The following NMT2 variants were observed in gnomAD, a reference collection of about 807,000 sequenced individuals.
NMT2 encodes glycylpeptide N-tetradecanoyltransferase 2.
Under a neutral mutation model 65.4 loss-of-function variants are expected in NMT2, and 35 were observed. The observed-to-expected ratio is 0.54, with a 90% CI of 0.41 to 0.71. The LOEUF (loss-of-function observed/expected upper bound fraction) is 0.71, where lower values mean the gene tolerates loss of function less well. NMT2 is among the 30% of genes least tolerant of loss of function. The pLI, the probability that NMT2 is intolerant of heterozygous loss-of-function variation, is 0.00. For missense variants in NMT2, 489 were observed against 611.3 expected, an observed-to-expected ratio of 0.80 and a Z score of 2.11; for synonymous variants, 226 against 231.8, an observed-to-expected ratio of 0.98 and a Z score of 0.23.
intron 1 of NMT2, among the ~76,000 whole-genome samples, chr10:15,152,958 C>T (rs191861853): frequency 1.9e-3 from 290 of 152,306 alleles, no homozygotes; most frequent in Admixed American, 4.0e-3. Context: ...ACCTTACTGT[C>T]TACTAATAGG....
At position 15,107,107 on chromosome 10, in the gene NMT2, C is replaced by A. The variant is rs1845330444; in HGVS notation, c.*2088G>T. On this transcript the variant is annotated 3_prime_UTR_variant, in exon 12 of 12. Coordinates refer to ENST00000378165, the MANE Select transcript of NMT2 (RefSeq NM_004808.3). ...CTGGACAATAGAGTGAGACCCTGTC[C>A]TAAAAAAAAAAAAAAAAAAAGTATG... 1.5e-5 allele frequency among the ~76,000 whole-genome samples: 1 copy of A among 64,554 alleles called. No individual in the cohort carries two copies. Among genetic ancestry groups the A allele is most frequent in the African/African-American group, 4.5e-5 (1 of 22,286 alleles). 42.3% of individuals were successfully genotyped at this position (64,554 alleles called of 152,430 possible). A position where few individuals can be genotyped will look rare whatever the true frequency, so the allele number is the denominator to read the frequency against.
intron 1 of NMT2, among the ~76,000 whole-genome samples, chr10:15,151,870 T>C (rs576239042): frequency 6.6e-6 from 1 of 151,280 alleles, no homozygotes; most frequent in Admixed American, 6.6e-5. Context: ...ACCAAAAATA[T>C]AAAAAACTAG....
intron 9 of NMT2, among the ~76,000 whole-genome samples, chr10:15,119,075 A>C (rs1845839657): frequency 6.6e-6 from 1 of 152,256 alleles, no homozygotes; most frequent in African/African-American, 2.4e-5. Context: ...GCCTTAGCAC[A>C]AAACAAGACA....
At chr10:15,126,366 T>C (rs188310352) in intron 8 of NMT2, among the ~76,000 whole-genome samples, 16 of 151,042 alleles carry the variant, frequency 1.1e-4, no homozygotes, top group Admixed American at 3.3e-4. Context: ...GAGGCGGAGA[T>C]TGCAATGAGC....
intron 8 of NMT2, among the ~76,000 whole-genome samples, chr10:15,124,065 C>T (rs1846006855): frequency 1.3e-5 from 2 of 152,134 alleles, no homozygotes; most frequent in African/African-American, 4.8e-5. Context: ...CCTTATATGC[C>T]TCGACATGTC....
intron 1 of NMT2, among the ~76,000 whole-genome samples, chr10:15,143,819 C>T (rs1846861897): frequency 6.6e-6 from 1 of 152,152 alleles, no homozygotes; most frequent in Non-Finnish European, 1.5e-5. Flanking sequence ...CATGCCACTG[C>T]ACTCCAGCCT....
In NMT2 at chr10:15,135,334, T is replaced by C; in HGVS notation, c.331A>G (p.Ile111Val). The change falls in exon 3 of 12, where the codon ATT becomes GTT. Residue 111 changes from isoleucine to valine, a missense_variant. Ile to Val is a conservative substitution (Grantham distance 29). Transcript: ENST00000378165. ...TATCTGTGCTTTGCAGCCTCATCAA[T>C]GTTCCTGGCTGGGCCCTGGCATGCG... is the stretch of plus-strand genomic sequence containing the variant. Reference protein sequence around the residue: ...LSACQGPARNIDEAAKHRYQF... With the variant: ...LSACQGPARNVDEAAKHRYQF... The C allele has an allele frequency of 6.2e-7, 1 of 1,614,184 alleles. No individual in the cohort carries two copies. The highest frequency in any genetic ancestry group is 1.1e-5 in the South Asian group (1 of 91,088).
intron 1 of NMT2, among the ~76,000 whole-genome samples, chr10:15,160,370 C>T (rs994578965): frequency 6.6e-6 from 1 of 152,110 alleles, no homozygotes; most frequent in Non-Finnish European, 1.5e-5. Flanking sequence ...ACAAGGAGCC[C>T]GGTGATGGGG....
chr10:15,128,540 A>G (rs766448684), intron 7 of NMT2, 82 bp from the exon 8 acceptor site: 77 of 854,892 alleles, frequency 9.0e-5, no homozygotes, highest in Non-Finnish European at 1.2e-4. Context: ...TGGCTGTTAC[A>G]TAAGCATTTA....
At chr10:15,141,237 C>A in intron 2 of NMT2, 185 bp downstream of exon 2, 1 of 823,964 alleles carries the variant, frequency 1.2e-6, no homozygotes, top group Non-Finnish European at 1.9e-6. Flanking sequence ...CACAGTGTAC[C>A]CCTTCGTTAT....
intron 1 of NMT2, among the ~76,000 whole-genome samples, chr10:15,156,761 T>C (rs984176947): frequency 6.6e-6 from 1 of 152,050 alleles, no homozygotes; most frequent in African/African-American, 2.4e-5. Flanking sequence ...CCATACGTGG[T>C]GGCACATGCC....
intron 1 of NMT2, among the ~76,000 whole-genome samples, chr10:15,161,612 G>A (rs986131165): frequency 3.9e-5 from 6 of 152,030 alleles, no homozygotes; most frequent in Admixed American, 6.6e-5. Context: ...CGCCCACCCC[G>A]GCCTCCCAAA....
intron 1 of NMT2, among the ~76,000 whole-genome samples, chr10:15,156,756 C>G (rs758845694): frequency 6.6e-6 from 1 of 152,010 alleles, no homozygotes. Flanking sequence ...ATTAGCCATA[C>G]GTGGTGGCAC....
At chr10:15,142,772 C>T (rs1428329970) in intron 1 of NMT2, among the ~76,000 whole-genome samples, 3 of 152,114 alleles carry the variant, frequency 2.0e-5, no homozygotes, top group African/African-American at 7.2e-5. Flanking sequence ...TTAAAATCAC[C>T]TGGTGGCCAA....
intron 8 of NMT2, among the ~76,000 whole-genome samples, chr10:15,127,422 C>T (rs563375345): frequency 2.7e-5 from 4 of 149,234 alleles, no homozygotes; most frequent in Admixed American, 2.7e-4. Context: ...TGGCGGGCGC[C>T]TATAGTCCCA....
At chr10:15,119,207 ACT>A in intron 9 of NMT2, 134 bp downstream of exon 9, 1 of 779,642 alleles carries the variant, frequency 1.3e-6, no homozygotes, top group Non-Finnish European at 2.1e-6. Context: ...AATCTTATTA[ACT>A]CTCTACCCTT....
At chr10:15,135,982 T>G (rs1233799388) in intron 2 of NMT2, among the ~76,000 whole-genome samples, 1 of 151,488 alleles carries the variant, frequency 6.6e-6, no homozygotes, top group Non-Finnish European at 1.5e-5. Context: ...ATCCCAGCAC[T>G]TTGGGAGGCC....
At chr10:15,168,036 C>T (rs1348376909) in intron 1 of NMT2, among the ~76,000 whole-genome samples, 1 of 152,200 alleles carries the variant, frequency 6.6e-6, no homozygotes, top group Non-Finnish European at 1.5e-5. Context: ...CCATTCTTTT[C>T]GGGTGGCGGC....
chr10:15,124,068 G>A (rs764994937), intron 8 of NMT2, among the ~76,000 whole-genome samples: 1 of 152,064 alleles, frequency 6.6e-6, no homozygotes, highest in Non-Finnish European at 1.5e-5. Flanking sequence ...TATATGCCTC[G>A]ACATGTCTAA....
Sources: allele counts gnomAD v4.1 joint callset (sites outside exome capture counted in the v4.1 genomes callset), GRCh38; gene constraint gnomAD v4.1.1; transcripts MANE v1.5; gene names NCBI Gene and HGNC (gene_info 2026-07-23, HGNC 2026-07-21).